Variants in TRA2B observed in about 807,000 individuals in gnomAD.
The protein encoded by TRA2B is transformer-2 protein homolog beta.
A neutral mutation model predicts 41.7 loss-of-function variants in TRA2B; 14 were observed. The ratio of observed to expected loss-of-function variants is 0.34; its 90% CI spans 0.22 to 0.53. TRA2B has a LOEUF of 0.53. Among genes scored for constraint, TRA2B ranks in the 20% least tolerant of loss-of-function variants. The probability of loss-of-function intolerance (pLI) is 0.95; values close to 1 mark genes in which losing one functional copy is unlikely to be tolerated. For synonymous variants in TRA2B, 130 were observed against 128.8 expected, an observed-to-expected ratio of 1.01 and a Z score of -0.06; for missense variants, 167 against 396.8, an observed-to-expected ratio of 0.42 and a Z score of 4.92.
At chr3:185,934,357 G>C in intron 1 of TRA2B, 2 of 985,278 alleles carry the variant, frequency 2.0e-6, no homozygotes, top group Non-Finnish European at 2.4e-6. Context: ...GCTATGTAAG[G>C]CAAATCCCAT....
rs867191633 is a variant in TRA2B, at chr3:185,917,841, C to T, written c.857-116G>A. 55 of 962,080 alleles carry T rather than the reference C, an allele frequency of 5.7e-5. No individual in the cohort carries two copies. The African/African-American group carries it at 8.2e-4, about 14-fold the overall frequency. 59.6% of individuals were successfully genotyped at this position (962,080 alleles called of 1,614,324 possible). On this transcript the variant is annotated intron_variant, in intron 8 of 8. Coordinates refer to ENST00000453386, the MANE Select transcript of TRA2B (RefSeq NM_004593.3). ...TAAGAAATTCCTATGTGCCAGAACC[C>T]CACCACCCCCAAATAGAGAAAGACT...
Position 185,914,847 on chromosome 3 carries a change from A to G in TRA2B, c.*2868T>C, listed in dbSNP as rs187122656. ...TTGATAATGCAAACCAAATCTTTTT[A>G]TTTCTTCTCGGTGAAACTTCTAATT... On this transcript the variant is annotated 3_prime_UTR_variant, in exon 9 of 9. Transcript: ENST00000453386. 2.6e-5 allele frequency among the ~76,000 whole-genome samples: 4 copies of G among 152,146 alleles called. No individual in the cohort carries two copies. In the East Asian group the frequency reaches 7.7e-4, roughly 29 times the overall value.
chr3:185,929,670 CA>C (rs1744076849), intron 1 of TRA2B, among the ~76,000 whole-genome samples: 1 of 152,186 alleles, frequency 6.6e-6, no homozygotes, highest in Admixed American at 6.5e-5. Context: ...GAACAGCAAC[CA>C]CCTTACAAAA....
intron 4 of TRA2B, chr3:185,923,157 T>TC (rs980761982): frequency 2.6e-5 from 4 of 152,416 alleles, no homozygotes; most frequent in African/African-American, 7.2e-5. Context: ...TAGCCTGTAA[T>TC]CCCACCTGCT....
rs1322392458 is a variant in TRA2B, at chr3:185,916,231, G to A, written c.*1484C>T. 6.6e-6 allele frequency: 1 copy of A among 152,168 alleles called. No individual in the cohort carries two copies. The highest frequency in any genetic ancestry group is 2.4e-5 in the African/African-American group (1 of 41,440). 9.4% of individuals were successfully genotyped at this position (152,168 alleles called of 1,614,324 possible). ...TTCCATCACCCAGGTACCCAGATTT[G>A]AGACATCATGATCAAGAGAACTGTG... On this transcript the variant is annotated 3_prime_UTR_variant, in exon 9 of 9. Transcript: ENST00000453386.
At chr3:185,926,497 T>C (rs1291051804) in intron 2 of TRA2B, 104 bp downstream of exon 2, 9 of 1,458,508 alleles carry the variant, frequency 6.2e-6, no homozygotes, top group Non-Finnish European at 8.4e-6. Flanking sequence ...CAATATTTAA[T>C]AGGCCAACAA....
intron 6 of TRA2B, among the ~76,000 whole-genome samples, chr3:185,920,480 G>A (rs1359199555): frequency 3.3e-5 from 5 of 152,166 alleles, no homozygotes; most frequent in African/African-American, 1.2e-4. Context: ...TCCCTATGCT[G>A]CTCAGGCTGG....
At position 185,919,760 on chromosome 3, in the gene TRA2B, T is replaced by C. The variant is rs550132540; in HGVS notation, c.723-264A>G. On this transcript the variant is annotated intron_variant, in intron 6 of 8. Coordinates refer to ENST00000453386, the MANE Select transcript of TRA2B (RefSeq NM_004593.3). ...GAAAAAAATCTCAGCCCCAACAAAT[T>C]TGTACCTTTAGTACCATTCAATAGA... Among the ~76,000 whole-genome samples, 6 of 152,232 alleles carry C rather than the reference T, an allele frequency of 3.9e-5. No individual in the cohort carries two copies. The East Asian group carries it at 1.2e-3, about 29-fold the overall frequency.
chr3:185,917,825 C>T, intron 8 of TRA2B, 100 bp from the exon 9 acceptor site: 1 of 1,316,736 alleles, frequency 7.6e-7, no homozygotes, highest in Non-Finnish European at 1.1e-6. Flanking sequence ...TTAAGAAATT[C>T]CTATGTGCCA....
In TRA2B at chr3:185,932,462, A is replaced by G. The variant is rs114285292; in HGVS notation, c.36+5363T>C. 3.8e-3 allele frequency among the ~76,000 whole-genome samples: 584 copies of G among 152,340 alleles called. 4 individuals carry two copies. The highest frequency in any genetic ancestry group is 0.013 in the African/African-American group (558 of 41,588). ...AAAAGCTGCTCTAGTGAGATTTTAT[A>G]GTATGAATCATAAAAAGACAAAATC... On this transcript the variant is annotated intron_variant, in intron 1 of 8. Transcript: ENST00000453386.
Position 185,914,975 on chromosome 3 carries a change from G to A in TRA2B, c.*2740C>T, listed in dbSNP as rs1351683004. ...TCTTAAGGCATATATTCCTTATGTA[G>A]GGGCAACAATGTAAACATTGCAGAC... On this transcript the variant is annotated 3_prime_UTR_variant, in exon 9 of 9. Coordinates refer to ENST00000453386, the MANE Select transcript of TRA2B (RefSeq NM_004593.3). Among the ~76,000 whole-genome samples the A allele has an allele frequency of 2.0e-5, 3 of 152,102 alleles. No individual in the cohort carries two copies. The highest frequency in any genetic ancestry group is 4.4e-5 in the Non-Finnish European group (3 of 68,022).
At chr3:185,935,565 T>A (rs775608542) in intron 1 of TRA2B, 1 of 985,446 alleles carries the variant, frequency 1.0e-6, no homozygotes, top group Non-Finnish European at 1.2e-6. Context: ...TAGAGACAGA[T>A]AAATAAGGGA....
At chr3:185,922,735 C>T (rs1743789152) in intron 4 of TRA2B, 1 of 152,128 alleles carries the variant, frequency 6.6e-6, no homozygotes, top group African/African-American at 2.4e-5. Flanking sequence ...GTTCCTTTTC[C>T]CAAAGTATGT....
intron 5 of TRA2B, 57 bp downstream of exon 5, chr3:185,921,954 G>A: frequency 5.4e-6 from 7 of 1,304,614 alleles, no homozygotes; most frequent in Non-Finnish European, 7.7e-6. Flanking sequence ...ACTAATACAA[G>A]TGTTTCTTTG....
intron 3 of TRA2B, 166 bp downstream of exon 3, chr3:185,925,298 C>T: frequency 1.3e-6 from 1 of 747,556 alleles, no homozygotes; most frequent in South Asian, 2.0e-5. Context: ...AATGCAGACC[C>T]CGTCATGGAA....
chr3:185,937,403 C>G, intron 1 of TRA2B: 1 of 1,008,016 alleles, frequency 9.9e-7, no homozygotes, highest in Non-Finnish European at 1.2e-6. Context: ...GTCGGGTCCG[C>G]GTTGCCGCGC....
At position 185,917,627 on chromosome 3, in the gene TRA2B, T is replaced by C; in HGVS notation, c.*88A>G. 6.9e-7 allele frequency: 1 copy of C among 1,453,984 alleles called. No homozygotes were observed. The highest frequency in any genetic ancestry group is 9.6e-7 in the Non-Finnish European group (1 of 1,043,162). The allele number at this position is 1,453,984 out of a possible 1,614,324, so 90.1% of individuals were successfully genotyped here. A position where few individuals can be genotyped will look rare whatever the true frequency, so the allele number is the denominator to read the frequency against. The stretch of plus-strand genomic sequence containing the variant: ...AAAGTCACCTAACTTCACTAGGCAC[T>C]GTTCACTTTTTAAACAAGAGACAAT... On this transcript the variant is annotated 3_prime_UTR_variant, in exon 9 of 9. Transcript: ENST00000453386.
chr3:185,927,283 G>A (rs1042695832), intron 1 of TRA2B: 1 of 152,222 alleles, frequency 6.6e-6, no homozygotes, highest in Non-Finnish European at 1.5e-5. Flanking sequence ...AAACCTAGTG[G>A]AAAGCAAAGG....
chr3:185,915,559 G>A lies in TRA2B; in HGVS notation c.*2156C>T, dbSNP rs918517157. On this transcript the variant is annotated 3_prime_UTR_variant, in exon 9 of 9. Transcript: ENST00000453386. ...TACCACTTTGTCTCACTACTTCTCA[G>A]TCTATCTCAACTTGGTAAAATTCCA... Among the ~76,000 whole-genome samples the A allele has an allele frequency of 2.6e-5, 4 of 152,124 alleles. No homozygotes were observed. The highest frequency in any genetic ancestry group is 4.4e-5 in the Non-Finnish European group (3 of 68,040).
Sources: gnomAD v4.1 joint callset for allele counts (sites outside exome capture counted in the v4.1 genomes callset) on GRCh38, gnomAD v4.1.1 for gene constraint, MANE v1.5 for transcripts, NCBI Gene and HGNC (gene_info 2026-07-23, HGNC 2026-07-21) for gene names.